DPYD: variants seen among roughly 807,000 people sequenced by gnomAD.
The protein encoded by DPYD is dihydropyrimidine dehydrogenase [NADP(+)].
Under a neutral mutation model 116.2 loss-of-function variants are expected in DPYD, and 109 were observed. That is an observed-to-expected ratio of 0.94 (90% CI 0.80 to 1.10). The LOEUF (loss-of-function observed/expected upper bound fraction) is 1.10. DPYD is among the 50% of genes least tolerant of loss of function. The pLI is 0.00. For missense variants in DPYD, 1,302 were observed against 1,254.5 expected (o/e 1.04, Z -0.57); for synonymous variants, 440 against 432.0 (o/e 1.02, Z -0.23).
chr1:97,723,068 A>C (rs1356672497), intron 4 of DPYD, among the ~76,000 whole-genome samples: 1 of 151,630 alleles, frequency 6.6e-6, no homozygotes, highest in Non-Finnish European at 1.5e-5. Flanking sequence ...GAATACTGGA[A>C]TCTGTTTAAA....
intron 12 of DPYD, among the ~76,000 whole-genome samples, chr1:97,526,606 T>C (rs2102008204): frequency 6.6e-6 from 1 of 152,316 alleles, no homozygotes; most frequent in African/African-American, 2.4e-5. Flanking sequence ...TAGTTCCTAA[T>C]TATCAAGTAA....
chr1:97,561,316 C>T (rs1652127538), intron 11 of DPYD, among the ~76,000 whole-genome samples: 1 of 152,132 alleles, frequency 6.6e-6, no homozygotes, highest in African/African-American at 2.4e-5. Flanking sequence ...AAATACAACA[C>T]TTTCACATGA....
chr1:97,272,213 AAAAC>A (rs1389384667), intron 18 of DPYD, among the ~76,000 whole-genome samples: 2 of 152,192 alleles, frequency 1.3e-5, no homozygotes, highest in African/African-American at 2.4e-5. Flanking sequence ...CTCATGAATA[AAAAC>A]AAACAAAAAT....
intron 18 of DPYD, among the ~76,000 whole-genome samples, chr1:97,257,901 A>G (rs1026916242): frequency 1.3e-5 from 2 of 152,112 alleles, no homozygotes; most frequent in African/African-American, 4.8e-5. Flanking sequence ...TAAACCTTAG[A>G]AAATGATCAT....
intron 4 of DPYD, among the ~76,000 whole-genome samples, chr1:97,737,549 G>C (rs1194367926): frequency 6.6e-6 from 1 of 152,080 alleles, no homozygotes; most frequent in Non-Finnish European, 1.5e-5. Context: ...CAGAATTTGA[G>C]CAAAGCTTTA....
At chr1:97,130,134 T>C (rs972703985) in intron 20 of DPYD, among the ~76,000 whole-genome samples, 1 of 152,204 alleles carries the variant, frequency 6.6e-6, no homozygotes, top group Non-Finnish European at 1.5e-5. Context: ...GGAGAATACT[T>C]TGAAGGATCC....
intron 5 of DPYD, among the ~76,000 whole-genome samples, chr1:97,713,998 CATT>C (rs1662451029): frequency 6.6e-6 from 1 of 151,940 alleles, no homozygotes; most frequent in Non-Finnish European, 1.5e-5. Flanking sequence ...AGTAATTTTT[CATT>C]ATCATGATAA....
rs186150631 is a variant in DPYD, at chr1:97,423,561, A to G, written c.1905+26498T>C. Among the ~76,000 whole-genome samples, 397 of 152,192 alleles carry G rather than the reference A, an allele frequency of 2.6e-3. 3 individuals carry two copies. The highest frequency in any genetic ancestry group is 0.011 in the Admixed American group (171 of 15,272). ...CCTGGTGACCCGAATGAGTTAATGC[A>G]TTGTCCTAAAGCTCTAATTTACAAC... is the stretch of plus-strand genomic sequence containing the variant. On this transcript the variant is annotated intron_variant, in intron 14 of 22. Transcript: ENST00000370192.
At chr1:97,750,567 T>A (rs1007717737) in intron 3 of DPYD, among the ~76,000 whole-genome samples, 4 of 152,158 alleles carry the variant, frequency 2.6e-5, no homozygotes, top group Admixed American at 2.6e-4. Flanking sequence ...TTATCCTAAG[T>A]AATTTTTACT....
intron 2 of DPYD, among the ~76,000 whole-genome samples, chr1:97,838,193 ATT>A (rs1204042579): frequency 1.3e-5 from 2 of 152,192 alleles, no homozygotes; most frequent in Non-Finnish European, 2.9e-5. Flanking sequence ...TTAGCTAAGC[ATT>A]TTGTTTAGTA....
chr1:97,723,816 T>G (rs1403552086), intron 4 of DPYD, among the ~76,000 whole-genome samples: 1 of 151,608 alleles, frequency 6.6e-6, no homozygotes, highest in Admixed American at 6.6e-5. Flanking sequence ...GTGTGAAAGA[T>G]TATATTTACC....
At chr1:97,609,333 C>T (rs1220347274) in intron 8 of DPYD, among the ~76,000 whole-genome samples, 1 of 151,788 alleles carries the variant, frequency 6.6e-6, no homozygotes, top group Admixed American at 6.6e-5. Flanking sequence ...CTTTTGAAAC[C>T]CTAACTTGCT....
intron 11 of DPYD, among the ~76,000 whole-genome samples, chr1:97,559,026 C>G (rs1159252347): frequency 6.6e-6 from 1 of 152,142 alleles, no homozygotes; most frequent in Non-Finnish European, 1.5e-5. Context: ...AGACTGCAAA[C>G]TGCTTGAAGG....
chr1:97,226,575 T>C (rs954395651), intron 19 of DPYD, among the ~76,000 whole-genome samples: 1 of 152,118 alleles, frequency 6.6e-6, no homozygotes, highest in Non-Finnish European at 1.5e-5. Context: ...GATGTTTCTA[T>C]AAATTAACAA....
At chr1:97,579,170 G>A (rs1038323883) in intron 10 of DPYD, among the ~76,000 whole-genome samples, 5 of 152,124 alleles carry the variant, frequency 3.3e-5, no homozygotes, top group African/African-American at 9.7e-5. Context: ...ATAAGCCAAC[G>A]AAGAGGCATC....
intron 20 of DPYD, among the ~76,000 whole-genome samples, chr1:97,147,747 C>T (rs1294565070): frequency 6.6e-6 from 1 of 152,176 alleles, no homozygotes; most frequent in Non-Finnish European, 1.5e-5. Context: ...CTTAGCCCAT[C>T]AGTCCATCTT....
chr1:97,304,006 A>T (rs945850603), intron 18 of DPYD, among the ~76,000 whole-genome samples: 4 of 152,046 alleles, frequency 2.6e-5, no homozygotes, highest in Non-Finnish European at 4.4e-5. Flanking sequence ...ACTGAGTTAT[A>T]GTATGGGAGA....
chr1:97,893,445 T>TATATAC (rs1553256556), intron 1 of DPYD, among the ~76,000 whole-genome samples: 3 of 140,586 alleles, frequency 2.1e-5, no homozygotes, highest in Non-Finnish European at 4.7e-5. Flanking sequence ...TATATATATA[T>TATATAC]ATATATATAT....
At chr1:97,140,026 T>A (rs1330162607) in intron 20 of DPYD, among the ~76,000 whole-genome samples, 1 of 151,930 alleles carries the variant, frequency 6.6e-6, no homozygotes, top group Non-Finnish European at 1.5e-5. Flanking sequence ...ACTGACATTT[T>A]TTTTTTTTTT....
Sources: gnomAD v4.1 joint callset for allele counts (sites outside exome capture counted in the v4.1 genomes callset) on GRCh38, gnomAD v4.1.1 for gene constraint, MANE v1.5 for transcripts, NCBI Gene and HGNC (gene_info 2026-07-23, HGNC 2026-07-21) for gene names.